The following NPC1 variants were observed in gnomAD, a reference collection of about 807,000 sequenced individuals.
NPC1 encodes the protein NPC intracellular cholesterol transporter 1.
Under a neutral mutation model 140.4 loss-of-function variants are expected in NPC1, and 85 were observed. The ratio of observed to expected loss-of-function variants is 0.61; its 90% confidence interval spans 0.51 to 0.72. The LOEUF (loss-of-function observed/expected upper bound fraction) is 0.72. Among genes scored for constraint, NPC1 ranks in the 30% least tolerant of loss-of-function variants. The pLI, the probability that NPC1 is intolerant of heterozygous loss-of-function variation, is 0.00. For synonymous variants in NPC1, 656 were observed against 624.8 expected (o/e 1.05, Z -0.74); for missense variants, 1,504 against 1,623.8 (o/e 0.93, Z 1.27).
At chr18:23,515,842 A>C in intron 3 of NPC1, 12 of 1,613,958 alleles carry the variant, frequency 7.4e-6, no homozygotes, top group Non-Finnish European at 1.0e-5. Context: ...CCTGTTTCTT[A>C]AACTCTGCTT....
chr18:23,561,047 C>A (rs1162348399), intron 5 of NPC1, among the ~76,000 whole-genome samples: 1 of 152,164 alleles, frequency 6.6e-6, no homozygotes, highest in East Asian at 1.9e-4. Flanking sequence ...AGGGCTTTGC[C>A]CTCACCAAGG....
intron 4 of NPC1, among the ~76,000 whole-genome samples, chr18:23,564,718 G>A (rs918028893): frequency 7.2e-5 from 11 of 152,068 alleles, no homozygotes; most frequent in Non-Finnish European, 1.6e-4. Flanking sequence ...TCTTGTTTTT[G>A]GTGTCATATT....
At chr18:23,543,255 G>A (rs2058735709) in intron 14 of NPC1, among the ~76,000 whole-genome samples, 200 bp downstream of exon 14, 1 of 151,364 alleles carries the variant, frequency 6.6e-6, no homozygotes, top group Non-Finnish European at 1.5e-5. Context: ...CTTGAACCCG[G>A]GAGGCGGAGG....
In NPC1 at chr18:23,556,368, G is replaced by A. The variant is rs766301620; in HGVS notation, c.1201C>T (p.Pro401Ser). The A allele has an allele frequency of 8.1e-6, 13 of 1,614,160 alleles. No homozygotes were observed. The highest frequency in any genetic ancestry group is 1.1e-5 in the Non-Finnish European group (13 of 1,180,022). ...ATGAGCTGCTCCGTCCGGAAGAAAG[G>A]CCCAAAGTGCTGGTCAAAGTACTCT... ...EKEYFDQHFG[P>S]FFRTEQLIIR... The change falls in exon 8 of 25, where the codon CCT becomes TCT. Residue 401 changes from proline to serine, a missense_variant. Physicochemically the swap from Pro to Ser is moderately conservative, Grantham distance 74. Transcript: ENST00000269228.
intron 1 of NPC1, among the ~76,000 whole-genome samples, chr18:23,582,696 C>T (rs570220611): frequency 1.3e-5 from 2 of 151,522 alleles, no homozygotes; most frequent in South Asian, 2.1e-4. Flanking sequence ...CCCAGCTACT[C>T]GGGAGGCTTG....
At position 23,540,443 on chromosome 18, in the gene NPC1, C is replaced by T. The variant is rs2058697907; in HGVS notation, c.2604+5G>A. On this transcript the variant is annotated splice_donor_5th_base_variant and intron_variant, in intron 17 of 24. Coordinates refer to ENST00000269228, the MANE Select transcript of NPC1 (RefSeq NM_000271.5). ...AAAAAAAAAAAAAAAAGGAAGTCATCTTACATCTGGCATCGAAAGAGACTG... is the reference window on the plus strand; with the variant it reads ...AAAAAAAAAAAAAAAAGGAAGTCATTTTACATCTGGCATCGAAAGAGACTG... 3 of 1,527,112 alleles carry T rather than the reference C, an allele frequency of 2.0e-6. No individual in the cohort carries two copies. The allele number at this position is 1,527,112 out of a possible 1,614,324, so 94.6% of individuals were successfully genotyped here.
At chr18:23,563,143 C>T (rs577515834) in intron 4 of NPC1, among the ~76,000 whole-genome samples, 4 of 152,244 alleles carry the variant, frequency 2.6e-5, no homozygotes, top group South Asian at 2.1e-4. Context: ...CTTTCATGAC[C>T]GGCTTCTTTC....
intron 10 of NPC1, 61 bp downstream of exon 10, chr18:23,551,566 G>A: frequency 8.1e-7 from 1 of 1,235,766 alleles, no homozygotes; most frequent in South Asian, 1.2e-5. Context: ...ACCACTTGAT[G>A]CTAATGACAA....
intron 9 of NPC1, among the ~76,000 whole-genome samples, chr18:23,554,267 C>G (rs549234845): frequency 6.6e-6 from 1 of 152,114 alleles, no homozygotes; most frequent in Non-Finnish European, 1.5e-5. Flanking sequence ...CTAGCTGGCA[C>G]GATAGCACAT....
rs771415433 is a variant in NPC1 at position 23,586,445 on chromosome 18, G to A, written c.-102C>T. ...GGCTGTTTCAGCACCCCGCGCAGGA[G>A]GAGCGGAGGAGCAGGAGCAGGCGCT... On this transcript the variant is annotated 5_prime_UTR_variant, in exon 1 of 25. Transcript: ENST00000269228. The A allele has an allele frequency of 2.7e-6, 4 of 1,502,278 alleles. No homozygotes were observed. The highest frequency in any genetic ancestry group is 2.3e-4 in the Middle Eastern group (1 of 4,378). The allele number at this position is 1,502,278 out of a possible 1,614,324, so 93.1% of individuals were successfully genotyped here.
At chr18:23,543,335 A>AAAAAAAAAAAAAG in intron 14 of NPC1, 120 bp downstream of exon 14, 1 of 629,544 alleles carries the variant, frequency 1.6e-6, no homozygotes, top group Non-Finnish European at 2.8e-6. Context: ...TCTCAGAGAA[A>AAAAAAAAAAAAAG]AAAAAAAAAA....
At chr18:23,538,393 C>T (rs924966797) in intron 20 of NPC1, 149 bp downstream of exon 20, 36 of 977,206 alleles carry the variant, frequency 3.7e-5, no homozygotes, top group African/African-American at 2.4e-4. Flanking sequence ...AAGGTGTTTT[C>T]GGTTTTCCTG....
At chr18:23,581,396 T>C (rs763517054) in intron 1 of NPC1, among the ~76,000 whole-genome samples, 2 of 152,174 alleles carry the variant, frequency 1.3e-5, no homozygotes, top group Non-Finnish European at 2.9e-5. Flanking sequence ...AATCTAGCCT[T>C]GAATTTCAAA....
intron 3 of NPC1, among the ~76,000 whole-genome samples, chr18:23,507,681 T>A (rs2057749767): frequency 6.6e-6 from 1 of 152,190 alleles, no homozygotes; most frequent in African/African-American, 2.4e-5. Context: ...TGGGGAAGCC[T>A]CTTAGTGCAG....
At chr18:23,565,347 AGT>A (rs992064769) in intron 4 of NPC1, among the ~76,000 whole-genome samples, 5 of 152,066 alleles carry the variant, frequency 3.3e-5, no homozygotes, top group African/African-American at 1.2e-4. Flanking sequence ...AATGTTCTTT[AGT>A]GTGTTTTTTC....
At chr18:23,534,425 G>C in intron 23 of NPC1, 21 bp downstream of exon 23, 2 of 1,523,606 alleles carry the variant, frequency 1.3e-6, no homozygotes, top group Middle Eastern at 1.7e-4. Context: ...CTGCCGGCGT[G>C]GCCCTGCTCA....
In NPC1 at chr18:23,568,784, T is replaced by C. The variant is rs1275946044; in HGVS notation, c.463+39A>G. ...GGAACAATTTGCTCTGCTGTCCTGA[T>C]GCCAGCTGTAAAAGAGGAATAATTA... On this transcript the variant is annotated intron_variant, in intron 4 of 24. Coordinates refer to ENST00000269228, the MANE Select transcript of NPC1 (RefSeq NM_000271.5). 4 of 1,542,670 alleles carry C rather than the reference T, an allele frequency of 2.6e-6. No homozygotes were observed. In the East Asian group the frequency reaches 9.0e-5, roughly 35 times the overall value.
rs746114867 is a variant in NPC1 at position 23,551,682 on chromosome 18, A to T, written c.1599T>A (p.Cys533Ter). The T allele has an allele frequency of 6.2e-7, 1 of 1,614,238 alleles. No individual in the cohort carries two copies. Among genetic ancestry groups the T allele is most frequent in the Non-Finnish European group, 8.5e-7 (1 of 1,180,038 alleles). The stretch of plus-strand genomic sequence containing the variant: ...ACACTGGTCCACCAAACGTACCCAG[A>T]CAAGGGTCATGGAGCAAACTTGTAT... ...LNDTSLLHDP[C>*]LGTFGGPVFP... The change falls in exon 10 of 25, where the codon TGT becomes TGA. Residue 533 changes from cysteine to a stop codon, truncating the protein, a stop_gained. Coordinates refer to ENST00000269228, the MANE Select transcript of NPC1 (RefSeq NM_000271.5). LOFTEE classifies it high-confidence loss of function.
At chr18:23,516,019 A>C in intron 3 of NPC1, 1 of 1,613,984 alleles carries the variant, frequency 6.2e-7, no homozygotes, top group Non-Finnish European at 8.5e-7. Context: ...CTCCCCTGAA[A>C]AAAACACCTT....
Sources: allele counts gnomAD v4.1 joint callset (sites outside exome capture counted in the v4.1 genomes callset), GRCh38; gene constraint gnomAD v4.1.1; transcripts MANE v1.5; gene names NCBI Gene and HGNC (gene_info 2026-07-23, HGNC 2026-07-21).